Variants in TSR1 observed in about 807,000 individuals in gnomAD.
TSR1 encodes TSR1 ribosome maturation factor.
TSR1 carries 81 observed loss-of-function variants against 90.9 expected under a neutral mutation model. That is an observed-to-expected ratio of 0.89 (90% CI 0.74 to 1.07). The LOEUF is 1.07. TSR1 is among the 50% of genes least tolerant of loss of function. The pLI is 0.00. For synonymous variants in TSR1, 362 were observed against 348.8 expected (o/e 1.04, Z -0.42); for missense variants, 989 against 987.3 (o/e 1.00, Z -0.02).
Position 2,322,584 on chromosome 17 carries a change from T to C in TSR1, c.*1612A>G. 1 of 153,276 alleles carries C rather than the reference T, an allele frequency of 6.5e-6. No individual in the cohort carries two copies. Among genetic ancestry groups the C allele is most frequent in the Non-Finnish European group, 1.5e-5 (1 of 68,958 alleles). 9.5% of individuals were successfully genotyped at this position (153,276 alleles called of 1,614,324 possible). On this transcript the variant is annotated 3_prime_UTR_variant, in exon 15 of 15. Transcript: ENST00000301364. ...GGCACGATCTTGGCTCACTGCAAGC[T>C]CCACCTCCCAGGTTCACGCCATTCT...
Position 2,336,320 on chromosome 17 carries a change from T to C in TSR1, c.97+11A>G, listed in dbSNP as rs2064080416. On this transcript the variant is annotated intron_variant, in intron 1 of 14. Transcript: ENST00000301364. Reference sequence around the variant, plus strand: ...CAAATAGCCCTTATTCCTTCTACGTTATCTCCTTACCCTTGCCGTCCCGCT... The same window carrying C: ...CAAATAGCCCTTATTCCTTCTACGTCATCTCCTTACCCTTGCCGTCCCGCT... The C allele has an allele frequency of 6.2e-7, 1 of 1,614,202 alleles. No individual in the cohort carries two copies. Among genetic ancestry groups the C allele is most frequent in the South Asian group, 1.1e-5 (1 of 91,090 alleles).
At chr17:2,329,016 T>C (rs947122426) in intron 11 of TSR1, 5 of 409,284 alleles carry the variant, frequency 1.2e-5, no homozygotes, top group Non-Finnish European at 2.3e-5. Flanking sequence ...GCCACAAGTG[T>C]TGGGATTACA....
In TSR1 at chr17:2,324,179, G is replaced by C; in HGVS notation, c.*17C>G. Reference sequence around the variant, plus strand: ...AGTACTGACTGGCACCGGTAAGACAGAATCTCTTTGAATCCATTACTCCAT... The same window carrying C: ...AGTACTGACTGGCACCGGTAAGACACAATCTCTTTGAATCCATTACTCCAT... On this transcript the variant is annotated 3_prime_UTR_variant, in exon 15 of 15. Coordinates refer to ENST00000301364, the MANE Select transcript of TSR1 (RefSeq NM_018128.5). 1 of 1,514,586 alleles carries C rather than the reference G, an allele frequency of 6.6e-7. No individual in the cohort carries two copies. Among genetic ancestry groups the C allele is most frequent in the Non-Finnish European group, 8.8e-7 (1 of 1,136,180 alleles). The allele number at this position is 1,514,586 out of a possible 1,614,324, so 93.8% of individuals were successfully genotyped here.
In TSR1 at chr17:2,335,808, T is replaced by C. The variant is rs2064062609; in HGVS notation, c.202-78A>G. The C allele has an allele frequency of 2.7e-6, 4 of 1,487,588 alleles. No homozygotes were observed. The South Asian group carries it at 3.6e-5, about 14-fold the overall frequency. 92.1% of individuals were successfully genotyped at this position (1,487,588 alleles called of 1,614,324 possible). On this transcript the variant is annotated intron_variant, in intron 2 of 14. Coordinates refer to ENST00000301364, the MANE Select transcript of TSR1 (RefSeq NM_018128.5). ...AGCATTGCATTTCCACTCCCACAGA[T>C]GCTCCCCCTACCCAAAACCAGCATC...
chr17:2,324,107 T>C lies in TSR1; in HGVS notation c.*89A>G, dbSNP rs544738497. ...GGGGCAGTGGACTGACAGGCTGACA[T>C]AGAAAATAAACTTTGCCCAATCACA... On this transcript the variant is annotated 3_prime_UTR_variant, in exon 15 of 15. Coordinates refer to ENST00000301364, the MANE Select transcript of TSR1 (RefSeq NM_018128.5). 2.2e-5 allele frequency: 33 copies of C among 1,471,466 alleles called. No individual in the cohort carries two copies. In the African/African-American group the frequency reaches 3.1e-4, roughly 14 times the overall value. The allele number at this position is 1,471,466 out of a possible 1,614,324, so 91.2% of individuals were successfully genotyped here. A position where few individuals can be genotyped will look rare whatever the true frequency, so the allele number is the denominator to read the frequency against.
At chr17:2,328,125 C>T (rs2075585060) in intron 11 of TSR1, among the ~76,000 whole-genome samples, 1 of 151,104 alleles carries the variant, frequency 6.6e-6, no homozygotes, top group East Asian at 1.9e-4. Flanking sequence ...TGCCTGTAAT[C>T]TCAGCTACTC....
chr17:2,330,532 G>C lies in TSR1; in HGVS notation c.1753C>G (p.Leu585Val). 2 of 1,613,970 alleles carry C rather than the reference G, an allele frequency of 1.2e-6. No individual in the cohort carries two copies. The highest frequency in any genetic ancestry group is 1.7e-6 in the Non-Finnish European group (2 of 1,179,944). The change falls in exon 10 of 15, where the codon CTA (leucine) becomes GTA (valine). Residue 585 changes from leucine to valine, a missense_variant. Coordinates refer to ENST00000301364, the MANE Select transcript of TSR1 (RefSeq NM_018128.5). ...CAATTTACCTTCTGTTCATGAGGTAGTAAAGAAAATGCAATCAAGGGTGTT... is the reference window on the plus strand; with the variant it reads ...CAATTTACCTTCTGTTCATGAGGTACTAAAGAAAATGCAATCAAGGGTGTT... ...QGTPLIAFSLLPHEQKMSVLN... is the reference protein window; with the variant it reads ...QGTPLIAFSLVPHEQKMSVLN...
At chr17:2,335,433 C>T (rs760716759) in intron 3 of TSR1, 39 bp from the exon 4 acceptor site, 1 of 1,590,560 alleles carries the variant, frequency 6.3e-7, no homozygotes, top group East Asian at 2.3e-5. Flanking sequence ...GTGGTTGGCA[C>T]CAGCACATTA....
chr17:2,325,249 G>T, intron 12 of TSR1, 55 bp downstream of exon 12: 1 of 1,260,546 alleles, frequency 7.9e-7, no homozygotes, highest in Non-Finnish European at 1.1e-6. Flanking sequence ...AAGAGAAAAC[G>T]GTGTTCATCT....
At chr17:2,336,014 C>G in intron 2 of TSR1, 23 bp downstream of exon 2, 1 of 1,612,122 alleles carries the variant, frequency 6.2e-7, no homozygotes, top group Non-Finnish European at 8.5e-7. Flanking sequence ...AAGCCGCATT[C>G]TCCCAAATCC....
chr17:2,324,745 T>C lies in TSR1; in HGVS notation c.2105A>G (p.His702Arg). Reference sequence around the variant, plus strand: ...CATCTTAGTAAAAATTTTGAAAGGATGACCACTCAGAACAACTCTCTTGAT... The same window carrying C: ...CATCTTAGTAAAAATTTTGAAAGGACGACCACTCAGAACAACTCTCTTGAT... Reference protein sequence around the residue: ...MVIKRVVLSGHPFKIFTKMAV... With the variant: ...MVIKRVVLSGRPFKIFTKMAV... Residue 702 changes from histidine (H) to arginine (R), a missense_variant, in exon 13 of 15, where the codon CAT becomes CGT. Coordinates refer to ENST00000301364, the MANE Select transcript of TSR1 (RefSeq NM_018128.5). 6.2e-7 allele frequency: 1 copy of C among 1,614,238 alleles called. No individual in the cohort carries two copies. The highest frequency in any genetic ancestry group is 1.1e-5 in the South Asian group (1 of 91,090).
In TSR1 at chr17:2,336,104, C is replaced by T. The variant is rs1171844203; in HGVS notation, c.134G>A (p.Arg45Lys). 6.2e-7 allele frequency: 1 copy of T among 1,614,106 alleles called. No individual in the cohort carries two copies. The highest frequency in any genetic ancestry group is 1.3e-5 in the African/African-American group (1 of 74,930). The change falls in exon 2 of 15, where the codon AGA becomes AAA. Residue 45 changes from arginine (R) to lysine (K), a missense_variant. Arg to Lys is a conservative substitution (Grantham distance 26). Coordinates refer to ENST00000301364, the MANE Select transcript of TSR1 (RefSeq NM_018128.5). ...LALKTLSKKV[R>K]KELSRVDQRH... is the part of the protein sequence containing the mutation. ...CTGGTCGACTCTGCTGAGTTCTTTT[C>T]TCACCTTCTTGCTTAGGGTTTTCAG...
rs560206953 is a variant in TSR1 at position 2,335,816 on chromosome 17, C to T, written c.202-86G>A. Reference sequence around the variant, plus strand: ...ATTTCCACTCCCACAGATGCTCCCCCTACCCAAAACCAGCATCTCTCTAGT... The same window carrying T: ...ATTTCCACTCCCACAGATGCTCCCCTTACCCAAAACCAGCATCTCTCTAGT... On this transcript the variant is annotated intron_variant, in intron 2 of 14. Coordinates refer to ENST00000301364, the MANE Select transcript of TSR1 (RefSeq NM_018128.5). The T allele has an allele frequency of 6.2e-6, 9 of 1,448,074 alleles. No individual in the cohort carries two copies. The Admixed American group carries it at 1.8e-4, about 29-fold the overall frequency. 89.7% of individuals were successfully genotyped at this position (1,448,074 alleles called of 1,614,324 possible).
At chr17:2,326,072 G>T (rs1277414860) in intron 11 of TSR1, among the ~76,000 whole-genome samples, 1 of 152,122 alleles carries the variant, frequency 6.6e-6, no homozygotes, top group Non-Finnish European at 1.5e-5. Flanking sequence ...AATTGCAGGT[G>T]CCTGATCAGT....
At chr17:2,329,230 A>C in intron 11 of TSR1, 113 bp downstream of exon 11, 1 of 1,497,042 alleles carries the variant, frequency 6.7e-7, no homozygotes, top group Non-Finnish European at 9.3e-7. Context: ...TACTGAAAAT[A>C]CCTCTAACCC....
intron 7 of TSR1, 104 bp downstream of exon 7, chr17:2,332,857 A>G: frequency 8.3e-7 from 1 of 1,209,174 alleles, no homozygotes; most frequent in Non-Finnish European, 1.1e-6. Flanking sequence ...AATAAAAAAA[A>G]TAAAAAAAAG....
At position 2,335,249 on chromosome 17, in the gene TSR1, A is replaced by G; in HGVS notation, c.556+11T>C. 5 of 1,612,932 alleles carry G rather than the reference A, an allele frequency of 3.1e-6. No homozygotes were observed. Among genetic ancestry groups the G allele is most frequent in the Non-Finnish European group, 4.2e-6 (5 of 1,179,506 alleles). On this transcript the variant is annotated intron_variant, in intron 4 of 14. Coordinates refer to ENST00000301364, the MANE Select transcript of TSR1 (RefSeq NM_018128.5). ...AAATTAAAGGTGCACAATAAATGCT[A>G]ACTCACTTACTATAGGTCGGAAGGC...
At chr17:2,333,935 C>T (rs2064025908) in intron 5 of TSR1, among the ~76,000 whole-genome samples, 1 of 152,090 alleles carries the variant, frequency 6.6e-6, no homozygotes, top group Non-Finnish European at 1.5e-5. Flanking sequence ...GCTCCCACTC[C>T]TATCCATTTA....
Position 2,335,672 on chromosome 17 carries a change from A to C in TSR1, c.260T>G (p.Val87Gly). ...GKDGPPHQVL[V>G]VPLHSRISLP... Reference sequence around the variant, plus strand: ...GGAAATTCTGCTGTGCAGGGGCACCACCAGTACCTGATGAGGAGGGCCATC... The same window carrying C: ...GGAAATTCTGCTGTGCAGGGGCACCCCCAGTACCTGATGAGGAGGGCCATC... Residue 87 changes from valine to glycine, a missense_variant, in exon 3 of 15, where the codon GTG becomes GGG. Val to Gly is a moderately radical substitution (Grantham distance 109, BLOSUM62 -3). Transcript: ENST00000301364. 1 of 1,614,082 alleles carries C rather than the reference A, an allele frequency of 6.2e-7. No homozygotes were observed. Among genetic ancestry groups the C allele is most frequent in the Non-Finnish European group, 8.5e-7 (1 of 1,180,026 alleles).
Sources: gnomAD v4.1 joint callset for allele counts (sites outside exome capture counted in the v4.1 genomes callset) on GRCh38, gnomAD v4.1.1 for gene constraint, MANE v1.5 for transcripts, NCBI Gene and HGNC (gene_info 2026-07-23, HGNC 2026-07-21) for gene names.